THSD4: variants seen among roughly 807,000 people sequenced by gnomAD.
The protein encoded by THSD4 is thrombospondin type 1 domain containing 4.
Under a neutral mutation model 119.0 loss-of-function variants are expected in THSD4, and 69 were observed. The observed-to-expected ratio is 0.58, with a 90% CI of 0.48 to 0.71. The LOEUF is 0.71. THSD4 is among the 30% of genes least tolerant of loss of function. The probability of loss-of-function intolerance (pLI) is 0.00; values close to 1 mark genes in which losing one functional copy is unlikely to be tolerated. For missense variants in THSD4, 1,393 were observed against 1,391.1 expected (o/e 1.00, Z -0.02); for synonymous variants, 524 against 540.4 (o/e 0.97, Z 0.42).
chr15:71,296,802 G>T (rs1367980402), intron 6 of THSD4, among the ~76,000 whole-genome samples: 2 of 152,144 alleles, frequency 1.3e-5, no homozygotes, highest in South Asian at 2.1e-4. Flanking sequence ...TTGGTAACTT[G>T]TTGAGAAGCC....
intron 6 of THSD4, among the ~76,000 whole-genome samples, chr15:71,262,857 G>T (rs1231240098): frequency 8.5e-5 from 13 of 152,120 alleles, no homozygotes; most frequent in Non-Finnish European, 1.8e-4. Flanking sequence ...GCTTACCTGG[G>T]GACCCAGGCT....
At chr15:71,169,687 A>G (rs960780535) in intron 3 of THSD4, among the ~76,000 whole-genome samples, 8 of 152,260 alleles carry the variant, frequency 5.3e-5, no homozygotes, top group African/African-American at 1.7e-4. Flanking sequence ...GATAACATAT[A>G]TGAAATAATG....
intron 5 of THSD4, among the ~76,000 whole-genome samples, chr15:71,246,259 A>T (rs2044199796): frequency 6.6e-6 from 1 of 152,084 alleles, no homozygotes; most frequent in South Asian, 2.1e-4. Context: ...GTGCTGACAC[A>T]TTGTTGGGAA....
chr15:71,587,570 C>A (rs2049697310), intron 7 of THSD4, among the ~76,000 whole-genome samples: 1 of 111,786 alleles, frequency 8.9e-6, no homozygotes. Context: ...GGGAATTGAA[C>A]AATGAGATTA....
chr15:71,531,041 A>T (rs544829453), intron 7 of THSD4, among the ~76,000 whole-genome samples: 1 of 152,228 alleles, frequency 6.6e-6, no homozygotes, highest in South Asian at 2.1e-4. Flanking sequence ...GACCTGAAGG[A>T]GTGGTCCTTG....
intron 7 of THSD4, among the ~76,000 whole-genome samples, chr15:71,478,518 A>T (rs891672869): frequency 1.3e-5 from 2 of 152,234 alleles, no homozygotes; most frequent in Non-Finnish European, 2.9e-5. Context: ...CACCCAAAAG[A>T]TGAACAAAAT....
intron 6 of THSD4, among the ~76,000 whole-genome samples, chr15:71,349,091 A>G (rs911042549): frequency 2.5e-5 from 3 of 120,120 alleles, no homozygotes; most frequent in Non-Finnish European, 3.8e-5. Flanking sequence ...AGTGGTAGGA[A>G]AACCAGGACA....
chr15:71,484,510 C>T (rs1037125414), intron 7 of THSD4, among the ~76,000 whole-genome samples: 1 of 152,188 alleles, frequency 6.6e-6, no homozygotes, highest in African/African-American at 2.4e-5. Flanking sequence ...AGGCAGAGCT[C>T]GAATCAGCTG....
chr15:71,687,418 G>C (rs185372490), intron 8 of THSD4, among the ~76,000 whole-genome samples: 8 of 152,134 alleles, frequency 5.3e-5, no homozygotes, highest in Admixed American at 6.5e-5. Context: ...ATAAGAGACC[G>C]TGAAAAACCA....
At chr15:71,517,653 C>T (rs751814515) in intron 7 of THSD4, among the ~76,000 whole-genome samples, 24 of 152,282 alleles carry the variant, frequency 1.6e-4, no homozygotes, top group Admixed American at 6.5e-4. Flanking sequence ...GCACATAAAA[C>T]GACTGTTTCC....
At chr15:71,340,765 C>T (rs906093611) in intron 6 of THSD4, among the ~76,000 whole-genome samples, 1 of 152,064 alleles carries the variant, frequency 6.6e-6, no homozygotes, top group Non-Finnish European at 1.5e-5. Flanking sequence ...ACCACCACAC[C>T]TGGCTAATAT....
intron 8 of THSD4, among the ~76,000 whole-genome samples, chr15:71,692,246 CTAT>C (rs149455996): frequency 6.2e-4 from 94 of 152,280 alleles, no homozygotes; most frequent in African/African-American, 2.1e-3. Flanking sequence ...TTCAATGTTT[CTAT>C]TATTCTAAAC....
intron 7 of THSD4, among the ~76,000 whole-genome samples, chr15:71,520,020 G>T (rs909152188): frequency 6.6e-6 from 1 of 152,180 alleles, no homozygotes; most frequent in African/African-American, 2.4e-5. Flanking sequence ...TGTACTGTCT[G>T]TCTAGCAGGA....
Position 71,224,460 on chromosome 15 carries a change from A to G in THSD4, c.464+9061A>G, listed in dbSNP as rs181708358. On this transcript the variant is annotated intron_variant, in intron 4 of 17. Transcript: ENST00000261862. ...TTCAAGCTGTTTGGCTATGCCATCT[A>G]CCACCCCGTCTCTGTCAATCCAAGA... 4.9e-4 allele frequency among the ~76,000 whole-genome samples: 74 copies of G among 152,282 alleles called. 1 individual carries two copies. Among genetic ancestry groups the G allele is most frequent in the South Asian group, 2.3e-3 (11 of 4,824 alleles).
chr15:71,306,345 G>A lies in THSD4; in HGVS notation c.1015+49630G>A, dbSNP rs561404266. Reference sequence around the variant, plus strand: ...AAAAAAAAAAAAAAAAAAAGGGAATGGTATTATATATTTTTTGATGCCTTC... The same window carrying A: ...AAAAAAAAAAAAAAAAAAAGGGAATAGTATTATATATTTTTTGATGCCTTC... On this transcript the variant is annotated intron_variant, in intron 6 of 17. Transcript: ENST00000261862. Among the ~76,000 whole-genome samples the A allele has an allele frequency of 5.9e-4, 81 of 137,188 alleles. 1 individual carries two copies. The highest frequency in any genetic ancestry group is 9.6e-4 in the Admixed American group (13 of 13,504). 90.0% of individuals were successfully genotyped at this position (137,188 alleles called of 152,430 possible).
At chr15:71,326,644 A>T (rs1247093328) in intron 6 of THSD4, among the ~76,000 whole-genome samples, 13 of 123,512 alleles carry the variant, frequency 1.1e-4, no homozygotes, top group Non-Finnish European at 2.0e-4. Flanking sequence ...ACTGCACTCC[A>T]GCCTGGGCAA....
At chr15:71,742,214 A>T (rs955884673) in intron 11 of THSD4, among the ~76,000 whole-genome samples, 3 of 152,132 alleles carry the variant, frequency 2.0e-5, no homozygotes, top group African/African-American at 7.2e-5. Flanking sequence ...TGTGCTTTTC[A>T]TGGTCAAATT....
chr15:71,591,036 A>C (rs1006994606), intron 7 of THSD4, among the ~76,000 whole-genome samples: 6 of 147,448 alleles, frequency 4.1e-5, no homozygotes, highest in African/African-American at 1.3e-4. Context: ...AAAAAAAAAA[A>C]AGTTGAAGAA....
intron 11 of THSD4, among the ~76,000 whole-genome samples, chr15:71,741,092 AGGGT>A (rs2053225024): frequency 6.6e-6 from 1 of 152,196 alleles, no homozygotes; most frequent in Non-Finnish European, 1.5e-5. Context: ...AAAAGACATA[AGGGT>A]AGATTTTACA....
Sources: allele counts gnomAD v4.1 joint callset (sites outside exome capture counted in the v4.1 genomes callset), GRCh38; gene constraint gnomAD v4.1.1; transcripts MANE v1.5; gene names NCBI Gene and HGNC (gene_info 2026-07-23, HGNC 2026-07-21).